Variants in PTK7 observed in about 807,000 individuals in gnomAD.
PTK7 encodes inactive tyrosine-protein kinase 7.
PTK7 carries 39 observed loss-of-function variants against 116.6 expected under a neutral mutation model. The ratio of observed to expected loss-of-function variants is 0.33; its 90% CI spans 0.26 to 0.44. PTK7 has a LOEUF of 0.44. Ranked by LOEUF, PTK7 falls within the 20% of genes least tolerant of loss-of-function variation. The pLI is 1.00. For synonymous variants in PTK7, 546 were observed against 563.6 expected, an observed-to-expected ratio of 0.97 and a Z score of 0.44; for missense variants, 1,169 against 1,425.6, an observed-to-expected ratio of 0.82 and a Z score of 2.90.
Position 43,142,164 on chromosome 6 carries a change from C to G in PTK7, c.1920-8C>G, listed in dbSNP as rs1459166748. On this transcript the variant is annotated splice_region_variant and splice_polypyrimidine_tract_variant and intron_variant, in intron 12 of 19. Coordinates refer to ENST00000230419, the MANE Select transcript of PTK7 (RefSeq NM_002821.5). ...AGCTGGCCAGCACTATGGCTTCTCCCCCGACAGGATGCACATCTTCCAGAA... is the reference window on the plus strand; with the variant it reads ...AGCTGGCCAGCACTATGGCTTCTCCGCCGACAGGATGCACATCTTCCAGAA... 1.9e-6 allele frequency: 3 copies of G among 1,613,830 alleles called. No homozygotes were observed. In the African/African-American group the frequency reaches 4.0e-5, roughly 22 times the overall value.
At chr6:43,154,940 A>G (rs1291773457) in intron 17 of PTK7, among the ~76,000 whole-genome samples, 1 of 152,216 alleles carries the variant, frequency 6.6e-6, no homozygotes, top group Non-Finnish European at 1.5e-5. Flanking sequence ...TAGCCTCACC[A>G]TGGGCCCCTC....
chr6:43,157,354 ATATATATAT>A (rs1561990355), intron 17 of PTK7, among the ~76,000 whole-genome samples: 455 of 3,724 alleles, frequency 0.12, 46 homozygotes, highest in Non-Finnish European at 0.19. Context: ...ATATATATAT[ATATATATAT>A]ATTTTTTTTT....
intron 1 of PTK7, among the ~76,000 whole-genome samples, chr6:43,114,160 G>A (rs1314122727): frequency 6.6e-6 from 1 of 152,190 alleles, no homozygotes; most frequent in Non-Finnish European, 1.5e-5. Context: ...GGCATGGGGA[G>A]CTCCATGTGT....
chr6:43,160,729 G>T lies in PTK7; in HGVS notation c.3061G>T (p.Ala1021Ser). The T allele has an allele frequency of 6.2e-7, 1 of 1,614,110 alleles. No individual in the cohort carries two copies. Among genetic ancestry groups the T allele is most frequent in the Non-Finnish European group, 8.5e-7 (1 of 1,179,996 alleles). ...ADDEVLADLQAGKARLPQPEG... is the reference protein window; with the variant it reads ...ADDEVLADLQSGKARLPQPEG... ...TGCTGTCTTCCCTACAGATTTGCAG[G>T]CTGGGAAGGCTAGACTTCCTCAGCC... The change falls in exon 20 of 20, where the codon GCT (alanine) becomes TCT (serine). Residue 1021 changes from alanine to serine, a missense_variant. Transcript: ENST00000230419.
intron 1 of PTK7, among the ~76,000 whole-genome samples, chr6:43,083,803 G>A (rs1427987246): frequency 6.6e-6 from 1 of 152,208 alleles, no homozygotes; most frequent in Non-Finnish European, 1.5e-5. Context: ...AGAAGTGTAA[G>A]CCTTGATAAG....
chr6:43,141,776 C>T lies in PTK7; in HGVS notation c.1727C>T (p.Pro576Leu), dbSNP rs201171618. 6.3e-5 allele frequency: 101 copies of T among 1,614,092 alleles called. No homozygotes were observed. In the Admixed American group the frequency reaches 1.1e-3, roughly 18 times the overall value. ...GNYTCIASNG[P>L]QGQIRAHVQL... ...TACACTTGCATTGCCTCCAACGGGC[C>T]GCAGGGCCAGATTCGTGCCCATGTC... The change falls in exon 11 of 20, where the codon CCG (proline) becomes CTG (leucine). Residue 576 changes from proline to leucine, a missense_variant. Physicochemically the swap from Pro to Leu is moderately conservative, Grantham distance 98 (BLOSUM62 -3). Around this residue, in one of 3 missense-constraint regions of PTK7, gnomAD observed 678 missense variants for 853.8 expected, o/e 0.79. Transcript: ENST00000230419. This position sits in a 1 kb window ranked among gnomAD's most constrained non-coding sequence, Gnocchi z 4.9.
intron 7 of PTK7, among the ~76,000 whole-genome samples, chr6:43,137,510 C>A (rs538187241): frequency 6.6e-6 from 1 of 152,040 alleles, no homozygotes; most frequent in East Asian, 1.9e-4. Flanking sequence ...CTTTAGCACA[C>A]GTAAAGTTTG....
At position 43,098,081 on chromosome 6, in the gene PTK7, G is replaced by C. The variant is rs962618410; in HGVS notation, c.79+21514G>C. On this transcript the variant is annotated intron_variant, in intron 1 of 19. Transcript: ENST00000230419. ...ATATCCGCCTCATGGGTTACGGTGA[G>C]GGGGTGAGGGTCTAGTGAGGTGTGT... Among the ~76,000 whole-genome samples, 4 of 152,014 alleles carry C rather than the reference G, an allele frequency of 2.6e-5. No homozygotes were observed. The East Asian group carries it at 5.8e-4, about 22-fold the overall frequency.
At position 43,141,893 on chromosome 6, in the gene PTK7, T is replaced by TA; in HGVS notation, c.1769-37dup. ...CGTGTACCCTGCCAGCCCCTTGGCT[T>TA]ACCCCTCCCTGCGCCTCGCTGGTCT... On this transcript the variant is annotated intron_variant, in intron 11 of 19. Coordinates refer to ENST00000230419, the MANE Select transcript of PTK7 (RefSeq NM_002821.5). The surrounding 1 kb of genome is among the most constrained non-coding windows in gnomAD (Gnocchi z 4.9). The TA allele has an allele frequency of 6.3e-7, 1 of 1,595,008 alleles. No homozygotes were observed. The highest frequency in any genetic ancestry group is 1.1e-5 in the South Asian group (1 of 89,782).
chr6:43,077,011 G>A, intron 1 of PTK7: 2 of 1,436,914 alleles, frequency 1.4e-6, no homozygotes, highest in African/African-American at 1.4e-5. Flanking sequence ...TTTGGGGCCC[G>A]ATGCCGGACA....
intron 19 of PTK7, among the ~76,000 whole-genome samples, chr6:43,160,402 G>C (rs1391666275): frequency 3.9e-5 from 6 of 152,180 alleles, no homozygotes; most frequent in Non-Finnish European, 8.8e-5. Flanking sequence ...GCAGGCGTGA[G>C]CCACCACACC....
At position 43,160,921 on chromosome 6, in the gene PTK7, A is replaced by T. The variant is rs1771812700; in HGVS notation, c.*40A>T. ...CAGGATGGCCTGGGCAGGGGAGGACATCTCTAGAGGGAAGCTCACAGCATG... is the reference window on the plus strand; with the variant it reads ...CAGGATGGCCTGGGCAGGGGAGGACTTCTCTAGAGGGAAGCTCACAGCATG... On this transcript the variant is annotated 3_prime_UTR_variant, in exon 20 of 20. Coordinates refer to ENST00000230419, the MANE Select transcript of PTK7 (RefSeq NM_002821.5). The T allele has an allele frequency of 6.2e-7, 1 of 1,604,798 alleles. No homozygotes were observed. Among genetic ancestry groups the T allele is most frequent in the African/African-American group, 1.3e-5 (1 of 74,912 alleles).
intron 18 of PTK7, 127 bp downstream of exon 18, chr6:43,159,095 G>C: frequency 8.2e-7 from 1 of 1,219,330 alleles, no homozygotes; most frequent in Non-Finnish European, 1.1e-6. Flanking sequence ...GAGGGCCTGG[G>C]ATAGGGAAGA....
At chr6:43,113,969 A>G (rs1014134417) in intron 1 of PTK7, among the ~76,000 whole-genome samples, 3 of 151,926 alleles carry the variant, frequency 2.0e-5, no homozygotes, top group Non-Finnish European at 4.4e-5. Context: ...TGTAACCTTC[A>G]GAATCTAGTG....
chr6:43,146,505 A>T, intron 16 of PTK7, 113 bp from the exon 17 acceptor site: 1 of 927,990 alleles, frequency 1.1e-6, no homozygotes, highest in Non-Finnish European at 1.7e-6. Context: ...AGGCTAGCTT[A>T]GGCCTTCTCA....
intron 1 of PTK7, among the ~76,000 whole-genome samples, chr6:43,122,166 G>A (rs1382575919): frequency 1.3e-5 from 2 of 152,126 alleles, no homozygotes; most frequent in Non-Finnish European, 2.9e-5. Flanking sequence ...ATGTCTCTGG[G>A]CCACACACAT....
intron 7 of PTK7, among the ~76,000 whole-genome samples, chr6:43,138,143 G>A (rs1770154175): frequency 6.6e-6 from 1 of 151,338 alleles, no homozygotes; most frequent in Non-Finnish European, 1.5e-5. Flanking sequence ...TTTCTTAGCT[G>A]TAAAGTGCGT....
intron 14 of PTK7, 139 bp from the exon 15 acceptor site, chr6:43,144,312 T>A: frequency 9.7e-7 from 1 of 1,028,968 alleles, no homozygotes; most frequent in Non-Finnish European, 1.4e-6. Context: ...ATTTCATCAT[T>A]TGGGCTTGCC....
rs944576355 is a variant in PTK7, at chr6:43,141,510, CG to C, written c.1619-156del. The stretch of plus-strand genomic sequence containing the variant: ...GAAGAATTGGAAGAGGGGTAAATAA[CG>C]GAGGGGCTTCTAACACTTGGCTCAG... On this transcript the variant is annotated intron_variant, in intron 10 of 19. Transcript: ENST00000230419. The surrounding 1 kb of genome is among the most constrained non-coding windows in gnomAD (Gnocchi z 4.9). 9.2e-5 allele frequency among the ~76,000 whole-genome samples: 14 copies of C among 152,064 alleles called. No homozygotes were observed. Among genetic ancestry groups the C allele is most frequent in the African/African-American group, 2.9e-4 (12 of 41,396 alleles).
Sources: allele counts gnomAD v4.1 joint callset (sites outside exome capture counted in the v4.1 genomes callset), GRCh38; gene constraint gnomAD v4.1.1; regional missense constraint gnomAD v4.1.1; non-coding constraint Gnocchi (gnomAD v3.1); transcripts MANE v1.5; gene names NCBI Gene and HGNC (gene_info 2026-07-23, HGNC 2026-07-21).